Variants in ADARB2 observed in about 807,000 individuals in gnomAD.
ADARB2 encodes inactive double-stranded RNA-specific editase B2.
ADARB2 carries 25 observed loss-of-function variants against 62.2 expected under a neutral mutation model. That is an observed-to-expected ratio of 0.40 (90% CI 0.29 to 0.56). ADARB2 has a LOEUF of 0.56. Ranked by LOEUF, ADARB2 falls within the 20% of genes least tolerant of loss-of-function variation. The pLI is 0.43. For synonymous variants in ADARB2, 572 were observed against 500.8 expected (o/e 1.14, Z -1.90); for missense variants, 1,071 against 1,077.4 (o/e 0.99, Z 0.08).
At chr10:1,280,961 C>A (rs1831365416) in intron 3 of ADARB2, among the ~76,000 whole-genome samples, 1 of 152,208 alleles carries the variant, frequency 6.6e-6, no homozygotes, top group African/African-American at 2.4e-5. Context: ...TTATAGTGCG[C>A]CACTGGCTTT....
chr10:1,288,618 T>TCA (rs1831435639), intron 3 of ADARB2, among the ~76,000 whole-genome samples: 2 of 152,174 alleles, frequency 1.3e-5, no homozygotes, highest in African/African-American at 4.8e-5. Flanking sequence ...GATGCCTTGG[T>TCA]CACAGCTCCC....
At chr10:1,528,068 C>T (rs546460827) in intron 1 of ADARB2, among the ~76,000 whole-genome samples, 115 of 152,332 alleles carry the variant, frequency 7.5e-4, no homozygotes, top group African/African-American at 2.7e-3. Flanking sequence ...ATGGACTCCC[C>T]TCTTGGAGGT....
chr10:1,223,151 C>T (rs1347395670), intron 6 of ADARB2, among the ~76,000 whole-genome samples: 1 of 152,048 alleles, frequency 6.6e-6, no homozygotes, highest in Non-Finnish European at 1.5e-5. Context: ...AAGTTGGATT[C>T]CTAGGTATTT....
chr10:1,681,355 C>T (rs1834534348), intron 1 of ADARB2, among the ~76,000 whole-genome samples: 2 of 152,126 alleles, frequency 1.3e-5, no homozygotes, highest in Non-Finnish European at 2.9e-5. Flanking sequence ...TTCTTAATGT[C>T]CTTTTTCCCA....
chr10:1,580,169 A>G (rs1833077851), intron 1 of ADARB2, among the ~76,000 whole-genome samples: 1 of 152,132 alleles, frequency 6.6e-6, no homozygotes, highest in Non-Finnish European at 1.5e-5. Flanking sequence ...TGCACAGGTA[A>G]ATCGCGTGTT....
chr10:1,667,918 G>A (rs182168849), intron 1 of ADARB2, among the ~76,000 whole-genome samples: 1 of 152,194 alleles, frequency 6.6e-6, no homozygotes, highest in African/African-American at 2.4e-5. Flanking sequence ...AATGGATCAG[G>A]TGGGGCATCA....
At chr10:1,674,216 C>G (rs561592541) in intron 1 of ADARB2, among the ~76,000 whole-genome samples, 64 of 152,304 alleles carry the variant, frequency 4.2e-4, no homozygotes, top group Admixed American at 1.4e-3. Flanking sequence ...TTTGAAAGAT[C>G]CATTTTTTAA....
intron 1 of ADARB2, among the ~76,000 whole-genome samples, chr10:1,508,004 C>T (rs530223570): frequency 6.6e-5 from 10 of 152,258 alleles, no homozygotes; most frequent in Admixed American, 5.9e-4. Flanking sequence ...CCACAATTGA[C>T]GACTGTGTGA....
intron 1 of ADARB2, among the ~76,000 whole-genome samples, chr10:1,423,867 G>T (rs1300942289): frequency 1.3e-5 from 2 of 150,030 alleles, no homozygotes; most frequent in Non-Finnish European, 3.0e-5. Flanking sequence ...TATGCAGTAA[G>T]ACCACTATGT....
intron 1 of ADARB2, among the ~76,000 whole-genome samples, chr10:1,443,172 G>C (rs777600937): frequency 6.6e-6 from 1 of 152,140 alleles, no homozygotes; most frequent in African/African-American, 2.4e-5. Context: ...GTAGGCATAG[G>C]CCAAGGGGGA....
intron 1 of ADARB2, among the ~76,000 whole-genome samples, chr10:1,657,291 C>A (rs1205861597): frequency 6.6e-6 from 1 of 152,152 alleles, no homozygotes; most frequent in East Asian, 1.9e-4. Flanking sequence ...TGTAGTACTG[C>A]AAATTCTAAT....
In ADARB2 at chr10:1,326,842, C is replaced by CA. The variant is rs1831856646; in HGVS notation, c.1077+36185_1077+36186insT. Among the ~76,000 whole-genome samples the CA allele has an allele frequency of 2.2e-5, 2 of 89,402 alleles. 1 individual carries two copies. The highest frequency in any genetic ancestry group is 8.1e-5 in the African/African-American group (2 of 24,560). 58.7% of individuals were successfully genotyped at this position (89,402 alleles called of 152,430 possible). A position where few individuals can be genotyped will look rare whatever the true frequency, so the allele number is the denominator to read the frequency against. ...CCCACGGCCCAGCGCCTCCCCACGGCCCAGCGCCTCCCCACTGCCCAGCGC... is the reference window on the plus strand; with the variant it reads ...CCCACGGCCCAGCGCCTCCCCACGGCACCAGCGCCTCCCCACTGCCCAGCGC... On this transcript the variant is annotated intron_variant, in intron 3 of 9. Coordinates refer to ENST00000381312, the MANE Select transcript of ADARB2 (RefSeq NM_018702.4).
chr10:1,578,578 C>T (rs1184030288), intron 1 of ADARB2, among the ~76,000 whole-genome samples: 4 of 151,870 alleles, frequency 2.6e-5, no homozygotes, highest in African/African-American at 4.8e-5. Flanking sequence ...CCCTGGCAGC[C>T]GTGGGTGCTG....
At chr10:1,688,385 A>G (rs1442344737) in intron 1 of ADARB2, among the ~76,000 whole-genome samples, 2 of 152,186 alleles carry the variant, frequency 1.3e-5, no homozygotes, top group Non-Finnish European at 2.9e-5. Flanking sequence ...GACCCGGTTC[A>G]TGTGGGTCCC....
At chr10:1,568,476 T>C (rs911737581) in intron 1 of ADARB2, among the ~76,000 whole-genome samples, 2 of 152,002 alleles carry the variant, frequency 1.3e-5, no homozygotes, top group Non-Finnish European at 2.9e-5. Context: ...CAGAAGTCTG[T>C]GGTTTTAGTA....
At chr10:1,589,481 GCATCCATGGTCAGGA>G (rs1211124134) in intron 1 of ADARB2, among the ~76,000 whole-genome samples, 5 of 151,964 alleles carry the variant, frequency 3.3e-5, no homozygotes, top group South Asian at 2.1e-4. Context: ...CCACAGTGGG[GCATCCATGGTCAGGA>G]CATCCACGGT....
intron 1 of ADARB2, among the ~76,000 whole-genome samples, chr10:1,529,702 G>T (rs61831923): frequency 0.17 from 25,882 of 152,166 alleles, 2,755 homozygotes; most frequent in Non-Finnish European, 0.23. Flanking sequence ...GGAGGGGGAG[G>T]CTTCCCCAGG....
intron 3 of ADARB2, among the ~76,000 whole-genome samples, chr10:1,296,922 G>A (rs371836498): frequency 1.1e-4 from 17 of 152,300 alleles, no homozygotes; most frequent in Non-Finnish European, 1.9e-4. Context: ...TGTCCTGCCC[G>A]CTGCCTTCAG....
chr10:1,307,577 T>C (rs1160150383), intron 3 of ADARB2, among the ~76,000 whole-genome samples: 36 of 143,874 alleles, frequency 2.5e-4, no homozygotes, highest in Admixed American at 2.2e-3. Context: ...ATCCCATTAC[T>C]GGGTATATAC....
Sources: gnomAD v4.1 joint callset for allele counts (sites outside exome capture counted in the v4.1 genomes callset) on GRCh38, gnomAD v4.1.1 for gene constraint, MANE v1.5 for transcripts, NCBI Gene and HGNC (gene_info 2026-07-23, HGNC 2026-07-21) for gene names.